TNRC6B: variants seen among roughly 807,000 people sequenced by gnomAD.
The protein encoded by TNRC6B is trinucleotide repeat containing adaptor 6B, also known as trinucleotide repeat-containing gene 6B protein.
TNRC6B carries 52 observed loss-of-function variants against 203.6 expected under a neutral mutation model. The observed-to-expected ratio is 0.26, with a 90% CI of 0.20 to 0.32. The LOEUF (loss-of-function observed/expected upper bound fraction) is 0.32. Among genes scored for constraint, TNRC6B ranks in the 10% least tolerant of loss-of-function variants. The pLI is 1.00. For missense variants in TNRC6B, 1,923 were observed against 2,286.2 expected (o/e 0.84, Z 3.24); for synonymous variants, 838 against 845.7 (o/e 0.99, Z 0.16).
At chr22:40,206,955 C>T (rs1040130135) in intron 1 of TNRC6B, among the ~76,000 whole-genome samples, 1 of 152,180 alleles carries the variant, frequency 6.6e-6, no homozygotes, top group East Asian at 1.9e-4. Flanking sequence ...TTTATTCTCT[C>T]ACAGTTCTGG....
chr22:40,174,347 T>G (rs1271200381), upstream of TNRC6B, among the ~76,000 whole-genome samples: 1 of 151,884 alleles, frequency 6.6e-6, no homozygotes, highest in Non-Finnish European at 1.5e-5. Flanking sequence ...GCCCAGCTAA[T>G]TTTTGTTATT....
At chr22:40,201,902 A>C (rs1453015606) in intron 1 of TNRC6B, among the ~76,000 whole-genome samples, 1 of 152,136 alleles carries the variant, frequency 6.6e-6, no homozygotes, top group African/African-American at 2.4e-5. Context: ...ATTTCATGCA[A>C]CTATTTCAGA....
At chr22:40,104,694 G>A (rs1388968636) in intron 1 of TNRC6B, among the ~76,000 whole-genome samples, 1 of 152,188 alleles carries the variant, frequency 6.6e-6, no homozygotes, top group Non-Finnish European at 1.5e-5. Context: ...GTAGAGTGGG[G>A]AGCAGAGAGG....
At chr22:40,311,056 C>A in intron 17 of TNRC6B, 63 bp downstream of exon 17, 1 of 1,494,436 alleles carries the variant, frequency 6.7e-7, no homozygotes, top group African/African-American at 1.4e-5. Flanking sequence ...GTTTCAGGTT[C>A]AGAATACATT....
rs10534254 is a variant in TNRC6B, at chr22:40,331,645, ATTTTTTTTTTTTT to A, written c.*8417_*8429del. The A allele has an allele frequency of 1.5e-5, 2 of 133,254 alleles. No individual in the cohort carries two copies. The highest frequency in any genetic ancestry group is 4.4e-5 in the African/African-American group (1 of 22,836). 8.3% of individuals were successfully genotyped at this position (133,254 alleles called of 1,614,324 possible). Reference sequence around the variant, plus strand: ...ACTGAATTTAAGAAGAGGTTGTTGGATTTTTTTTTTTTTTTTTTTTTTTTTCAAAAAAAAAAGT... The same window carrying A: ...ACTGAATTTAAGAAGAGGTTGTTGGATTTTTTTTTTTTCAAAAAAAAAAGT... On this transcript the variant is annotated 3_prime_UTR_variant, in exon 23 of 23. Coordinates refer to ENST00000454349, the MANE Select transcript of TNRC6B (RefSeq NM_001162501.2).
intron 3 of TNRC6B, among the ~76,000 whole-genome samples, chr22:40,140,631 A>T (rs943938835): frequency 2.6e-5 from 4 of 151,814 alleles, no homozygotes; most frequent in Non-Finnish European, 5.9e-5. Context: ...ATAGATGGTA[A>T]TTTTTTTTCT....
intron 1 of TNRC6B, among the ~76,000 whole-genome samples, chr22:40,236,363 T>C (rs1411125365): frequency 1.3e-5 from 2 of 152,134 alleles, no homozygotes; most frequent in African/African-American, 4.8e-5. Flanking sequence ...CTTTTGGGAG[T>C]GGCTTTTCTC....
chr22:40,067,512 G>A (rs760032774), intron 1 of TNRC6B, among the ~76,000 whole-genome samples: 19 of 152,112 alleles, frequency 1.2e-4, no homozygotes, highest in East Asian at 7.7e-4. Flanking sequence ...ACAATAGCCC[G>A]TCTGCAAGTC....
At chr22:40,088,450 T>TG (rs2068119211) in intron 1 of TNRC6B, among the ~76,000 whole-genome samples, 2 of 152,154 alleles carry the variant, frequency 1.3e-5, no homozygotes, top group Admixed American at 1.3e-4. Context: ...CTCACACTGT[T>TG]GCCCAGGCTG....
intron 3 of TNRC6B, among the ~76,000 whole-genome samples, chr22:40,130,313 G>GGAAA (rs1275743955): frequency 6.6e-6 from 1 of 152,098 alleles, no homozygotes; most frequent in Non-Finnish European, 1.5e-5. Context: ...TTTTGGAGGA[G>GGAAA]GAAAGAAAGA....
chr22:40,276,449 C>CA (rs2070646239), intron 7 of TNRC6B, among the ~76,000 whole-genome samples: 1 of 152,202 alleles, frequency 6.6e-6, no homozygotes, highest in Non-Finnish European at 1.5e-5. Flanking sequence ...CTGCTTCCCT[C>CA]ACAGAAGTGA....
chr22:40,275,994 A>AAAACCTGTACTAAACTTAAG (rs1284779742), intron 7 of TNRC6B, among the ~76,000 whole-genome samples: 1 of 151,598 alleles, frequency 6.6e-6, no homozygotes, highest in Non-Finnish European at 1.5e-5. Context: ...ACACACCAAA[A>AAAACCTGTACTAAACTTAAG]AAACCTGTAC....
intron 3 of TNRC6B, among the ~76,000 whole-genome samples, chr22:40,151,066 C>CAA (rs1161920110): frequency 6.6e-6 from 1 of 152,114 alleles, no homozygotes; most frequent in Non-Finnish European, 1.5e-5. Flanking sequence ...TGACCAAAGA[C>CAA]AAAAGAGGAA....
chr22:40,217,108 C>T (rs1436012442), intron 1 of TNRC6B, among the ~76,000 whole-genome samples: 1 of 152,150 alleles, frequency 6.6e-6, no homozygotes, highest in Admixed American at 6.5e-5. Flanking sequence ...CTTCCAGGAG[C>T]CCATTTCCAT....
intron 1 of TNRC6B, among the ~76,000 whole-genome samples, chr22:40,238,718 C>T (rs2069983941): frequency 6.6e-6 from 1 of 152,230 alleles, no homozygotes; most frequent in African/African-American, 2.4e-5. Context: ...GTTGCCCTCT[C>T]CCCACCTCTC....
rs1427127349 is a variant in TNRC6B, at chr22:40,333,615, A to G, written c.*10374A>G. The G allele has an allele frequency of 6.6e-6, 1 of 152,626 alleles. No homozygotes were observed. Among genetic ancestry groups the G allele is most frequent in the Non-Finnish European group, 1.5e-5 (1 of 68,046 alleles). 9.5% of individuals were successfully genotyped at this position (152,626 alleles called of 1,614,324 possible). A position where few individuals can be genotyped will look rare whatever the true frequency, so the allele number is the denominator to read the frequency against. On this transcript the variant is annotated 3_prime_UTR_variant, in exon 23 of 23. Coordinates refer to ENST00000454349, the MANE Select transcript of TNRC6B (RefSeq NM_001162501.2). ...TCCCTGGCATTTTGGTTTGCACTGT[A>G]GAATCCATAGCCTTGTCACTTTGTT... is the stretch of plus-strand genomic sequence containing the variant.
intron 1 of TNRC6B, among the ~76,000 whole-genome samples, chr22:40,242,138 T>G (rs548881820): frequency 1.3e-5 from 2 of 152,218 alleles, no homozygotes; most frequent in Admixed American, 6.5e-5. Context: ...TGGATATTGC[T>G]TGTTCTCCAG....
chr22:40,115,925 T>C (rs985968563), intron 1 of TNRC6B, among the ~76,000 whole-genome samples: 6 of 152,360 alleles, frequency 3.9e-5, no homozygotes, highest in African/African-American at 1.2e-4. Flanking sequence ...ACTGCTGTGA[T>C]ACAGTGTACA....
chr22:40,311,824 T>C (rs62239068), intron 17 of TNRC6B, among the ~76,000 whole-genome samples: 16,436 of 152,284 alleles, frequency 0.11, 1,061 homozygotes, highest in South Asian at 0.16. Flanking sequence ...ATTACAGGCG[T>C]GAGCCACCAC....
Sources: allele counts gnomAD v4.1 joint callset (sites outside exome capture counted in the v4.1 genomes callset), GRCh38; gene constraint gnomAD v4.1.1; transcripts MANE v1.5; gene names NCBI Gene and HGNC (gene_info 2026-07-23, HGNC 2026-07-21).